Variants in NRG2 observed in about 807,000 individuals in gnomAD.
NRG2 encodes the protein neuregulin 2, also known as pro-neuregulin-2, membrane-bound isoform.
NRG2 carries 27 observed loss-of-function variants against 73.9 expected under a neutral mutation model. That is an observed-to-expected ratio of 0.37 (90% CI 0.27 to 0.50). The LOEUF (loss-of-function observed/expected upper bound fraction) is 0.50, where lower values mean the gene tolerates loss of function less well. NRG2 is among the 20% of genes least tolerant of loss of function. The pLI, the probability that NRG2 is intolerant of heterozygous loss-of-function variation, is 0.96. For synonymous variants in NRG2, 532 were observed against 541.0 expected, an observed-to-expected ratio of 0.98 and a Z score of 0.23; for missense variants, 1,126 against 1,210.1, an observed-to-expected ratio of 0.93 and a Z score of 1.03.
intron 5 of NRG2, among the ~76,000 whole-genome samples, chr5:139,864,487 A>C (rs1762352581): frequency 6.6e-6 from 1 of 151,324 alleles, no homozygotes; most frequent in Non-Finnish European, 1.5e-5. Context: ...TTCAGACCAC[A>C]GAGGTGCTGA....
chr5:139,848,125 T>A lies in NRG2; in HGVS notation c.2345A>T (p.Asp782Val), dbSNP rs1437623593. The A allele has an allele frequency of 1.4e-6, 2 of 1,471,394 alleles. No homozygotes were observed. The highest frequency in any genetic ancestry group is 1.5e-5 in the African/African-American group (1 of 68,014). 91.1% of individuals were successfully genotyped at this position (1,471,394 alleles called of 1,614,324 possible). The change falls in exon 10 of 10, where the codon GAC becomes GTC. Residue 782 changes from aspartate (D) to valine (V), a missense_variant. Around this residue, in one of 3 missense-constraint regions of NRG2, gnomAD observed 402 missense variants for 357.8 expected, o/e 1.12. Transcript: ENST00000361474. ...GSASASDDDA[D>V]DADGALAAES... ...GGCCGCCAGCGCCCCGTCCGCGTCG[T>A]CCGCGTCGTCGTCCGACGCCGAGGC...
chr5:140,034,394 C>G (rs1761361339), intron 1 of NRG2, among the ~76,000 whole-genome samples: 1 of 151,598 alleles, frequency 6.6e-6, no homozygotes, highest in Non-Finnish European at 1.5e-5. Context: ...CATACTTAAT[C>G]ATGAAAGTCT....
In NRG2 at chr5:139,859,760, G is replaced by A. The variant is rs1762029712; in HGVS notation, c.1190-3982C>T. 4 of 926,046 alleles carry A rather than the reference G, an allele frequency of 4.3e-6. No individual in the cohort carries two copies. The South Asian group carries it at 6.2e-5, about 14-fold the overall frequency. 57.4% of individuals were successfully genotyped at this position (926,046 alleles called of 1,614,324 possible). On this transcript the variant is annotated intron_variant, in intron 5 of 9. Transcript: ENST00000361474. ...ATGATAGGACATCTCGATGGGGCCA[G>A]GAGAGATTTTTGGAATCATCCCTTT...
intron 1 of NRG2, among the ~76,000 whole-genome samples, chr5:139,888,870 C>A (rs1191717158): frequency 2.0e-5 from 3 of 152,108 alleles, no homozygotes; most frequent in Non-Finnish European, 2.9e-5. Flanking sequence ...ATAAATAACA[C>A]CTCCCCCCAT....
intron 2 of NRG2, among the ~76,000 whole-genome samples, chr5:139,886,420 T>A (rs904700264): frequency 6.6e-6 from 1 of 152,102 alleles, no homozygotes; most frequent in Non-Finnish European, 1.5e-5. Context: ...CCATCCTAAT[T>A]TGCATTTTGT....
chr5:139,971,597 TA>T (rs1350285811), intron 1 of NRG2, among the ~76,000 whole-genome samples: 1 of 151,640 alleles, frequency 6.6e-6, no homozygotes, highest in Non-Finnish European at 1.5e-5. Context: ...AAAACAAATG[TA>T]AAAAAAATCA....
chr5:139,926,782 T>C (rs1024444455), intron 1 of NRG2, among the ~76,000 whole-genome samples: 2 of 152,208 alleles, frequency 1.3e-5, no homozygotes, highest in Non-Finnish European at 2.9e-5. Flanking sequence ...TTTCCTGTTG[T>C]CTTGTTTGGG....
intron 1 of NRG2, among the ~76,000 whole-genome samples, chr5:139,979,633 A>G (rs1756641391): frequency 6.6e-6 from 1 of 152,178 alleles, no homozygotes; most frequent in Admixed American, 6.5e-5. Flanking sequence ...GTCCCTGGGA[A>G]GCTAGCTGTC....
intron 1 of NRG2, among the ~76,000 whole-genome samples, chr5:140,034,979 T>C (rs1030126770): frequency 6.6e-6 from 1 of 152,194 alleles, no homozygotes; most frequent in African/African-American, 2.4e-5. Flanking sequence ...CCCAGGACTT[T>C]GGGAGGTCAA....
chr5:140,010,708 G>A (rs1759296994), intron 1 of NRG2, among the ~76,000 whole-genome samples: 2 of 152,146 alleles, frequency 1.3e-5, no homozygotes, highest in African/African-American at 4.8e-5. Flanking sequence ...GGTCACAGGT[G>A]AAGGTGACAT....
intron 6 of NRG2, among the ~76,000 whole-genome samples, chr5:139,854,041 A>G (rs1448923208): frequency 6.6e-6 from 1 of 152,214 alleles, no homozygotes; most frequent in Non-Finnish European, 1.5e-5. Flanking sequence ...CTGTATCAAA[A>G]TATCTCATGT....
At chr5:139,916,193 A>G (rs1270217891) in intron 1 of NRG2, among the ~76,000 whole-genome samples, 1 of 152,186 alleles carries the variant, frequency 6.6e-6, no homozygotes, top group Non-Finnish European at 1.5e-5. Context: ...GATCCCACGA[A>G]AAACATTCTG....
chr5:139,928,067 C>T (rs907441856), intron 1 of NRG2, among the ~76,000 whole-genome samples: 1 of 152,156 alleles, frequency 6.6e-6, no homozygotes, highest in Non-Finnish European at 1.5e-5. Flanking sequence ...CCACAGCACA[C>T]CCCACAGTCC....
At chr5:139,890,100 G>A (rs1196109307) in intron 1 of NRG2, among the ~76,000 whole-genome samples, 1 of 152,044 alleles carries the variant, frequency 6.6e-6, no homozygotes, top group Non-Finnish European at 1.5e-5. Context: ...TCCCCCCAGT[G>A]AATGACAGTG....
At chr5:139,976,299 T>A (rs1756380020) in intron 1 of NRG2, among the ~76,000 whole-genome samples, 1 of 152,246 alleles carries the variant, frequency 6.6e-6, no homozygotes, top group Non-Finnish European at 1.5e-5. Context: ...GTTTCATTTG[T>A]GTTGCAGAAA....
At chr5:140,003,458 G>A (rs891825299) in intron 1 of NRG2, among the ~76,000 whole-genome samples, 1 of 152,186 alleles carries the variant, frequency 6.6e-6, no homozygotes, top group Non-Finnish European at 1.5e-5. Flanking sequence ...GAGAGACAGG[G>A]GTTGGAAGAC....
intron 1 of NRG2, among the ~76,000 whole-genome samples, chr5:140,025,716 A>G (rs1760632234): frequency 6.6e-6 from 1 of 152,154 alleles, no homozygotes; most frequent in South Asian, 2.1e-4. Flanking sequence ...CTTATTCCCA[A>G]TGGCCAGTTT....
chr5:139,916,350 C>A (rs1390773329), intron 1 of NRG2, among the ~76,000 whole-genome samples: 1 of 152,166 alleles, frequency 6.6e-6, no homozygotes, highest in East Asian at 1.9e-4. Context: ...TGTAAAATAT[C>A]CCCACCATCA....
intron 4 of NRG2, 144 bp downstream of exon 4, chr5:139,871,577 G>A: frequency 9.6e-7 from 1 of 1,040,214 alleles, no homozygotes; most frequent in Non-Finnish European, 1.4e-6. Flanking sequence ...AAAGGGCTAG[G>A]AAGTAGGGCA....
Sources: gnomAD v4.1 joint callset for allele counts (sites outside exome capture counted in the v4.1 genomes callset) on GRCh38, gnomAD v4.1.1 for gene constraint, gnomAD v4.1.1 regional missense constraint, MANE v1.5 for transcripts, NCBI Gene and HGNC (gene_info 2026-07-23, HGNC 2026-07-21) for gene names.